The following PRKCH variants were observed in gnomAD, a reference collection of about 807,000 sequenced individuals.
PRKCH encodes protein kinase C eta.
PRKCH carries 28 observed loss-of-function variants against 82.5 expected under a neutral mutation model. That is an observed-to-expected ratio of 0.34 (90% CI 0.25 to 0.47). PRKCH has a LOEUF of 0.47. PRKCH is among the 20% of genes least tolerant of loss of function. The pLI is 1.00. For synonymous variants in PRKCH, 322 were observed against 327.4 expected, an observed-to-expected ratio of 0.98 and a Z score of 0.18; for missense variants, 705 against 881.8, an observed-to-expected ratio of 0.80 and a Z score of 2.54.
At chr14:61,368,710 C>T (rs1222032416) in intron 1 of PRKCH, among the ~76,000 whole-genome samples, 1 of 152,068 alleles carries the variant, frequency 6.6e-6, no homozygotes, top group East Asian at 1.9e-4. Context: ...AATGTTTTTG[C>T]AAATTTTATT....
chr14:61,247,774 A>T (rs567622430), intron 1 of PRKCH, among the ~76,000 whole-genome samples: 59 of 150,498 alleles, frequency 3.9e-4, no homozygotes, highest in African/African-American at 1.3e-3. Flanking sequence ...AAAGAAAGGA[A>T]TTGAACAGAA....
At chr14:61,344,144 A>G (rs560882903) in intron 1 of PRKCH, 12 of 152,316 alleles carry the variant, frequency 7.9e-5, no homozygotes, top group Non-Finnish European at 1.3e-4. Context: ...GATGAGTCCA[A>G]TGATCTCTGC....
At chr14:61,408,575 T>C (rs1392417145) in intron 2 of PRKCH, among the ~76,000 whole-genome samples, 2 of 152,172 alleles carry the variant, frequency 1.3e-5, no homozygotes, top group Non-Finnish European at 2.9e-5. Context: ...GGTTGCCTTA[T>C]GTGTAAAACA....
intron 1 of PRKCH, among the ~76,000 whole-genome samples, chr14:61,378,173 C>G (rs1377834144): frequency 6.6e-6 from 1 of 152,046 alleles, no homozygotes; most frequent in Non-Finnish European, 1.5e-5. Context: ...AAGCTTCGCC[C>G]TAGCCCAGTG....
At chr14:61,254,340 C>T (rs1346359232) in intron 1 of PRKCH, among the ~76,000 whole-genome samples, 7 of 152,120 alleles carry the variant, frequency 4.6e-5, no homozygotes, top group African/African-American at 1.4e-4. Context: ...AGACCAGGCA[C>T]GGTGGCTCAT....
At chr14:61,472,546 G>T (rs1163682608) in intron 9 of PRKCH, among the ~76,000 whole-genome samples, 1 of 151,846 alleles carries the variant, frequency 6.6e-6, no homozygotes, top group Admixed American at 6.6e-5. Flanking sequence ...TTTTTCTTTT[G>T]TTTCCCATAC....
At chr14:61,271,551 C>G (rs1453411292) in intron 1 of PRKCH, among the ~76,000 whole-genome samples, 1 of 152,202 alleles carries the variant, frequency 6.6e-6, no homozygotes, top group Non-Finnish European at 1.5e-5. Context: ...TTTAGCGAGC[C>G]TCTCAGTCGG....
intron 1 of PRKCH, among the ~76,000 whole-genome samples, chr14:61,256,825 A>G (rs1366611605): frequency 2.0e-5 from 3 of 152,152 alleles, no homozygotes; most frequent in South Asian, 2.1e-4. Context: ...TGCTAAATCT[A>G]TCTGCTTGCC....
chr14:61,499,329 G>C lies in PRKCH; in HGVS notation c.1433+13673G>C, dbSNP rs150566457. 6.7e-3 allele frequency among the ~76,000 whole-genome samples: 1,021 copies of C among 152,256 alleles called. 14 individuals carry two copies. Among genetic ancestry groups the C allele is most frequent in the African/African-American group, 0.016 (655 of 41,516 alleles). On this transcript the variant is annotated intron_variant, in intron 10 of 13. Coordinates refer to ENST00000332981, the MANE Select transcript of PRKCH (RefSeq NM_006255.5). ...TGGTACAAGTGCTCTGTTGCTTTTT[G>C]GTGAAAATGCTCACACATGATGAAT...
intron 7 of PRKCH, among the ~76,000 whole-genome samples, chr14:61,455,205 A>AT (rs10689613): frequency 0.011 from 1,648 of 143,702 alleles, 23 homozygotes; most frequent in South Asian, 0.036. Flanking sequence ...AATTTTTTGT[A>AT]TTTTTTTTTT....
intron 1 of PRKCH, among the ~76,000 whole-genome samples, chr14:61,340,864 C>T (rs2045922926): frequency 6.6e-6 from 1 of 152,206 alleles, no homozygotes; most frequent in African/African-American, 2.4e-5. Flanking sequence ...CCATTCTAGA[C>T]TTTTCTTTCT....
chr14:61,276,265 C>T (rs1324227712), intron 1 of PRKCH, among the ~76,000 whole-genome samples: 1 of 151,534 alleles, frequency 6.6e-6, no homozygotes, highest in East Asian at 1.9e-4. Flanking sequence ...AGAATGCCAT[C>T]TAAAATCAGC....
At chr14:61,536,568 G>A (rs1487774552) in intron 12 of PRKCH, among the ~76,000 whole-genome samples, 1 of 152,142 alleles carries the variant, frequency 6.6e-6, no homozygotes, top group East Asian at 1.9e-4. Context: ...AAAGCTTGTT[G>A]AATTCCCTCT....
intron 1 of PRKCH, among the ~76,000 whole-genome samples, chr14:61,224,051 C>T (rs147960360): frequency 1.3e-5 from 2 of 152,318 alleles, no homozygotes; most frequent in African/African-American, 2.4e-5. Flanking sequence ...TGTTTCATAA[C>T]TCAAAATGAC....
chr14:61,322,787 A>T (rs4902046), intron 1 of PRKCH: 40 of 277,000 alleles, frequency 1.4e-4, no homozygotes, highest in African/African-American at 8.6e-4. Context: ...TTTCAGCACG[A>T]GAGTGATAGG....
chr14:61,283,699 A>T (rs901340287), intron 1 of PRKCH, among the ~76,000 whole-genome samples: 1 of 152,118 alleles, frequency 6.6e-6, no homozygotes, highest in Non-Finnish European at 1.5e-5. Context: ...ATAAAAACAA[A>T]TTATCTGGGT....
At chr14:61,337,668 C>G (rs1422851235) in intron 1 of PRKCH, among the ~76,000 whole-genome samples, 2 of 152,172 alleles carry the variant, frequency 1.3e-5, no homozygotes, top group South Asian at 4.1e-4. Context: ...TCGAGTGATG[C>G]CACCCTTCAT....
At chr14:61,287,409 T>C (rs2045324974) in intron 1 of PRKCH, among the ~76,000 whole-genome samples, 1 of 150,754 alleles carries the variant, frequency 6.6e-6, no homozygotes, top group Admixed American at 6.6e-5. Flanking sequence ...AGAGAGGGGG[T>C]TGACTCAGAA....
intron 9 of PRKCH, among the ~76,000 whole-genome samples, chr14:61,466,216 G>A (rs941251321): frequency 8.5e-5 from 13 of 152,160 alleles, no homozygotes; most frequent in African/African-American, 3.1e-4. Flanking sequence ...TTTGGTAATA[G>A]GATTACATTT....
Sources: gnomAD v4.1 joint callset for allele counts (sites outside exome capture counted in the v4.1 genomes callset) on GRCh38, gnomAD v4.1.1 for gene constraint, MANE v1.5 for transcripts, NCBI Gene and HGNC (gene_info 2026-07-23, HGNC 2026-07-21) for gene names.